Variants in ZNF658 observed in about 807,000 individuals in gnomAD.
The protein encoded by ZNF658 is zinc finger protein 658.
ZNF658 carries 46 observed loss-of-function variants against 78.0 expected under a neutral mutation model. The ratio of observed to expected loss-of-function variants is 0.59; its 90% CI spans 0.47 to 0.75. The LOEUF (loss-of-function observed/expected upper bound fraction) is 0.75. ZNF658 is among the 30% of genes least tolerant of loss of function. The pLI, the probability that ZNF658 is intolerant of heterozygous loss-of-function variation, is 0.00. For synonymous variants in ZNF658, 279 were observed against 408.4 expected (o/e 0.68, Z 3.82); for missense variants, 785 against 1,189.3 (o/e 0.66, Z 5.00).
intron 2 of ZNF658, among the ~76,000 whole-genome samples, chr9:66,905,068 C>CTTTTTTTTTTTTTTTTTTTTTTTT: frequency 6.0e-4 from 19 of 31,768 alleles, no homozygotes; most frequent in African/African-American, 2.2e-3. Context: ...TTTTTCTTTT[C>CTTTTTTTTTTTTTTTTTTTTTTTT]TTTTTTTTTT....
At chr9:66,910,187 A>G (rs1328475716) in intron 4 of ZNF658, among the ~76,000 whole-genome samples, 2 of 152,316 alleles carry the variant, frequency 1.3e-5, no homozygotes, top group South Asian at 2.1e-4. Context: ...GACACAAATA[A>G]GTCTATAACA....
rs1368288482 is a variant in ZNF658, at chr9:66,918,834, C to G, written c.1268C>G (p.Ser423Ter). The change falls in exon 5 of 5, where the codon TCA (serine) becomes TGA (stop). Residue 423 changes from serine (S) to a stop codon, truncating the protein, a stop_gained. Coordinates refer to ENST00000621410, the MANE Select transcript of ZNF658 (RefSeq NM_033160.7). LOFTEE classifies it high-confidence loss of function. ...GAGGAATGTGCAAAATCCTTTTGTT[C>G]AAGTTCACATCCTATTCAGCATCCT... Reference protein sequence around the residue: ...QYEECAKSFCSSSHPIQHPGT... With the variant: ...QYEECAKSFC 6.2e-7 allele frequency: 1 copy of G among 1,611,236 alleles called. No homozygotes were observed. The highest frequency in any genetic ancestry group is 1.3e-5 in the African/African-American group (1 of 74,510).
In ZNF658 at chr9:66,905,068, C is replaced by CTTTTTTTTT. The variant is rs1165611922; in HGVS notation, c.15+1509_15+1517dup. Among the ~76,000 whole-genome samples, 117 of 31,756 alleles carry CTTTTTTTTT rather than the reference C, an allele frequency of 3.7e-3. 4 individuals carry two copies. Among genetic ancestry groups the CTTTTTTTTT allele is most frequent in the East Asian group, 0.017 (21 of 1,256 alleles). 20.8% of individuals were successfully genotyped at this position (31,756 alleles called of 152,430 possible). A position where few individuals can be genotyped will look rare whatever the true frequency, so the allele number is the denominator to read the frequency against. On this transcript the variant is annotated intron_variant, in intron 2 of 4. Coordinates refer to ENST00000621410, the MANE Select transcript of ZNF658 (RefSeq NM_033160.7). ...CTTTTTTCTTTTCTCTTTTTCTTTT[C>CTTTTTTTTT]TTTTTTTTTTTTTTTTTTTTTTTTT...
In ZNF658 at chr9:66,918,602, A is replaced by G. The variant is rs1822408344; in HGVS notation, c.1036A>G (p.Thr346Ala). 1 of 1,610,902 alleles carries G rather than the reference A, an allele frequency of 6.2e-7. No homozygotes were observed. Among genetic ancestry groups the G allele is most frequent in the Non-Finnish European group, 8.5e-7 (1 of 1,177,580 alleles). Residue 346 changes from threonine to alanine, a missense_variant, in exon 5 of 5, where the codon ACA (threonine) becomes GCA (alanine). This residue lies in a region of ZNF658 where 393 missense variants were observed against 400.2 expected (regional missense o/e 0.98). Transcript: ENST00000621410. ...QSSAHIVHQKTQAGDKFGEHN... is the reference protein window; with the variant it reads ...QSSAHIVHQKAQAGDKFGEHN... ...CTCAGCCCATATAGTACATCAGAAA[A>G]CACAAGCTGGAGATAAATTTGGTGA...
At chr9:66,902,792 G>A (rs1821982306) in intron 1 of ZNF658, 1 of 152,190 alleles carries the variant, frequency 6.6e-6, no homozygotes, top group Non-Finnish European at 1.5e-5. Context: ...TTTTTCCGTG[G>A]AAGTGCTAAT....
rs1822072978 is a variant in ZNF658, at chr9:66,906,065, A to C, written c.16-2173A>C. Among the ~76,000 whole-genome samples the C allele has an allele frequency of 3.9e-5, 5 of 127,582 alleles. No homozygotes were observed. In the South Asian group the frequency reaches 1.2e-3, roughly 31 times the overall value. The allele number at this position is 127,582 out of a possible 152,430, so 83.7% of individuals were successfully genotyped here. The stretch of plus-strand genomic sequence containing the variant: ...TGTCTAGTGACTTTTTAATTGATTC[A>C]GTAGAGCCTGTGTTTATTGTCATGT... On this transcript the variant is annotated intron_variant, in intron 2 of 4. Coordinates refer to ENST00000621410, the MANE Select transcript of ZNF658 (RefSeq NM_033160.7).
At position 66,920,800 on chromosome 9, in the gene ZNF658, G is replaced by A; in HGVS notation, c.*54G>A. 4 of 643,618 alleles carry A rather than the reference G, an allele frequency of 6.2e-6. No homozygotes were observed. Among genetic ancestry groups the A allele is most frequent in the South Asian group, 3.7e-5 (2 of 54,226 alleles). The allele number at this position is 643,618 out of a possible 1,614,324, so 39.9% of individuals were successfully genotyped here. ...TAGTGCAGAAACTCATGTGACATAG[G>A]CTGGGAACTTGTTTCCCTTATCCAT... On this transcript the variant is annotated 3_prime_UTR_variant, in exon 5 of 5. Coordinates refer to ENST00000621410, the MANE Select transcript of ZNF658 (RefSeq NM_033160.7).
chr9:66,904,391 C>T (rs1428879426), intron 2 of ZNF658, among the ~76,000 whole-genome samples: 2 of 151,442 alleles, frequency 1.3e-5, no homozygotes, highest in Admixed American at 6.6e-5. Context: ...TGGTCCTTCC[C>T]CGGCTGATGT....
rs376233376 is a variant in ZNF658 at position 66,920,543 on chromosome 9, C to T, written c.2977C>T (p.Pro993Ser). ...CCAGAGAATTCACACAGGGGAGAAA[C>T]CCTATGAGTGTAATGAATGCGGAAA... ...AHQRIHTGEK[P>S]YECNECGKAF... The change falls in exon 5 of 5, where the codon CCC becomes TCC. Residue 993 changes from proline (P) to serine (S), a missense_variant. By Grantham distance (74) the Pro-to-Ser change is moderately conservative. This residue lies in a region of ZNF658 where 24 missense variants were observed against 104.8 expected (regional missense o/e 0.23). Transcript: ENST00000621410. The T allele has an allele frequency of 3.7e-6, 5 of 1,349,870 alleles. No individual in the cohort carries two copies. Among genetic ancestry groups the T allele is most frequent in the Non-Finnish European group, 5.1e-6 (5 of 971,984 alleles). The allele number at this position is 1,349,870 out of a possible 1,614,324, so 83.6% of individuals were successfully genotyped here.
At chr9:66,915,769 T>TA (rs1270749433) in intron 4 of ZNF658, among the ~76,000 whole-genome samples, 2 of 143,412 alleles carry the variant, frequency 1.4e-5, no homozygotes, top group African/African-American at 2.6e-5. Context: ...TTTTTATCAT[T>TA]AAAAAAACTT....
chr9:66,914,118 A>G (rs1220294662), intron 4 of ZNF658, among the ~76,000 whole-genome samples: 2 of 151,656 alleles, frequency 1.3e-5, no homozygotes, highest in African/African-American at 4.9e-5. Context: ...AACTTAGGAG[A>G]ATTGACATCT....
chr9:66,917,940 T>G lies in ZNF658; in HGVS notation c.374T>G (p.Leu125Arg). ...AAAGTTTTAGAAAAACCATTTAATC[T>G]GGAAATAGCTCCAGAGCTTTCAGAA... is the stretch of plus-strand genomic sequence containing the variant. ...GQKVLEKPFN[L>R]EIAPELSEKI... Residue 125 changes from leucine to arginine, a missense_variant, in exon 5 of 5, where the codon CTG (leucine) becomes CGG (arginine). Around this residue, in one of 12 missense-constraint regions of ZNF658, gnomAD observed 54 missense variants for 48.9 expected, o/e 1.10. Transcript: ENST00000621410. The G allele has an allele frequency of 6.2e-7, 1 of 1,611,080 alleles. No homozygotes were observed. Among genetic ancestry groups the G allele is most frequent in the Non-Finnish European group, 8.5e-7 (1 of 1,179,626 alleles).
chr9:66,903,245 C>A (rs1273172754), intron 1 of ZNF658: 1 of 364,842 alleles, frequency 2.7e-6, no homozygotes, highest in African/African-American at 2.0e-5. Flanking sequence ...CAGAGATGCA[C>A]ATATTCAGGT....
rs1335512766 is a variant in ZNF658 at position 66,926,464 on chromosome 9, C to A, written c.*54+2127C>A. 4.0e-5 allele frequency among the ~76,000 whole-genome samples: 6 copies of A among 151,656 alleles called. No homozygotes were observed. In the East Asian group the frequency reaches 1.2e-3, roughly 29 times the overall value. ...CTGAAAGAAAATTAGGAAACCAATC[C>A]CATTTACAACATTATCAAAAATAAT... On this transcript the variant is annotated intron_variant and NMD_transcript_variant, in intron 6 of 6. Transcript: ENST00000622180.
chr9:66,920,006 A>C lies in ZNF658; in HGVS notation c.2440A>C (p.Ile814Leu), dbSNP rs981705988. Residue 814 changes from isoleucine to leucine, a missense_variant, in exon 5 of 5, where the codon ATA becomes CTA. Ile to Leu is a conservative substitution (Grantham distance 5, BLOSUM62 2). Coordinates refer to ENST00000621410, the MANE Select transcript of ZNF658 (RefSeq NM_033160.7). ...AACTTTTGTCTATAAGGCAGCCCTC[A>C]TAGTGCATCAAAGAATTCACACAGG... ...GKTFVYKAAL[I>L]VHQRIHTGEK... is the part of the protein sequence containing the mutation. 4 of 1,612,052 alleles carry C rather than the reference A, an allele frequency of 2.5e-6. No homozygotes were observed. Among genetic ancestry groups the C allele is most frequent in the Non-Finnish European group, 3.4e-6 (4 of 1,179,702 alleles).
chr9:66,914,771 A>T, intron 4 of ZNF658, among the ~76,000 whole-genome samples: 1 of 152,082 alleles, frequency 6.6e-6, no homozygotes, highest in Non-Finnish European at 1.5e-5. Context: ...TTTTGAGGTA[A>T]ATTTCACTGA....
intron 4 of ZNF658, among the ~76,000 whole-genome samples, chr9:66,910,245 A>G (rs2118008346): frequency 6.6e-6 from 1 of 152,326 alleles, no homozygotes; most frequent in African/African-American, 2.4e-5. Context: ...TATGCCTATT[A>G]GGCTTTGTAC....
chr9:66,931,040 A>C (rs1822638437), intron 6 of ZNF658, among the ~76,000 whole-genome samples: 1 of 152,164 alleles, frequency 6.6e-6, no homozygotes, highest in Non-Finnish European at 1.5e-5. Context: ...GCACATGAGA[A>C]ATGATTATTG....
In ZNF658 at chr9:66,908,731, C is replaced by A; in HGVS notation, c.235C>A (p.Pro79Thr). ...AGATGAATTCCTGAACCAGAGGTAC[C>A]CAGGTGAGTGGGCATTAACAGAAGG... ...LEDEFLNQRYPGYFKVDHIKG... is the reference protein window; with the variant it reads ...LEDEFLNQRYTGYFKVDHIKG... Residue 79 changes from proline to threonine, a missense_variant, in exon 4 of 5, where the codon CCA becomes ACA. Physicochemically the swap from Pro to Thr is conservative, Grantham distance 38 (BLOSUM62 -1). Around this residue, in one of 12 missense-constraint regions of ZNF658, gnomAD observed 79 missense variants for 96.5 expected, o/e 0.82. Transcript: ENST00000621410. 1.9e-6 allele frequency: 3 copies of A among 1,610,714 alleles called. No individual in the cohort carries two copies. The highest frequency in any genetic ancestry group is 2.5e-6 in the Non-Finnish European group (3 of 1,178,832).
Sources: allele counts gnomAD v4.1 joint callset (sites outside exome capture counted in the v4.1 genomes callset), GRCh38; gene constraint gnomAD v4.1.1; regional missense constraint gnomAD v4.1.1; transcripts MANE v1.5; gene names NCBI Gene and HGNC (gene_info 2026-07-23, HGNC 2026-07-21).